CCDC141: variants seen among roughly 807,000 people sequenced by gnomAD.
CCDC141 encodes the protein coiled-coil domain-containing protein 141.
CCDC141 carries 168 observed loss-of-function variants against 181.0 expected under a neutral mutation model. The observed-to-expected ratio is 0.93, with a 90% CI of 0.82 to 1.05. The LOEUF (loss-of-function observed/expected upper bound fraction) is 1.05. CCDC141 is among the 50% of genes least tolerant of loss of function. CCDC141 has a pLI of 0.00. For missense variants in CCDC141, 1,902 were observed against 1,788.5 expected (o/e 1.06, Z -1.14); for synonymous variants, 666 against 642.3 (o/e 1.04, Z -0.56).
chr2:178,991,402 T>G (rs879801083), intron 2 of CCDC141, among the ~76,000 whole-genome samples: 3 of 152,052 alleles, frequency 2.0e-5, no homozygotes, highest in Non-Finnish European at 2.9e-5. Context: ...TGGTTAATTT[T>G]ATGTTATATG....
intron 2 of CCDC141, among the ~76,000 whole-genome samples, chr2:178,986,555 T>C (rs1451863099): frequency 6.6e-6 from 1 of 152,134 alleles, no homozygotes; most frequent in Admixed American, 6.5e-5. Context: ...CATGATTGTA[T>C]ATCTAGAAAA....
chr2:178,985,210 A>G (rs1363214651), intron 2 of CCDC141, among the ~76,000 whole-genome samples: 8 of 151,608 alleles, frequency 5.3e-5, no homozygotes, highest in African/African-American at 7.2e-5. Flanking sequence ...CTGCTCCTGA[A>G]TGACTACTGG....
chr2:178,861,349 T>G (rs958861327), intron 17 of CCDC141, among the ~76,000 whole-genome samples: 6 of 152,020 alleles, frequency 3.9e-5, no homozygotes, highest in Non-Finnish European at 5.9e-5. Flanking sequence ...AAAAATTTTT[T>G]GTAGGGCCGG....
At chr2:178,909,566 A>C (rs2154373474) in intron 7 of CCDC141, among the ~76,000 whole-genome samples, 1 of 152,338 alleles carries the variant, frequency 6.6e-6, no homozygotes, top group South Asian at 2.1e-4. Context: ...TGATTGTCTG[A>C]ATTATACACA....
At chr2:178,945,033 T>G (rs1689672519) in intron 5 of CCDC141, among the ~76,000 whole-genome samples, 1 of 152,184 alleles carries the variant, frequency 6.6e-6, no homozygotes, top group Non-Finnish European at 1.5e-5. Context: ...TAAACCCATA[T>G]GAAGATATTA....
At position 178,830,472 on chromosome 2, in the gene CCDC141, C is replaced by T. The variant is rs1196241633; in HGVS notation, c.*3701G>A. On this transcript the variant is annotated 3_prime_UTR_variant, in exon 24 of 24. Coordinates refer to ENST00000443758, the MANE Select transcript of CCDC141 (RefSeq NM_173648.4). The stretch of plus-strand genomic sequence containing the variant: ...ATCATCTTTGTCTTTTTACATTTCC[C>T]CTCTCCTCCCTCTAAAAAGGGGAGA... 1 of 152,136 alleles carries T rather than the reference C, an allele frequency of 6.6e-6. No homozygotes were observed. The highest frequency in any genetic ancestry group is 1.5e-5 in the Non-Finnish European group (1 of 68,040). The allele number at this position is 152,136 out of a possible 1,614,324, so 9.4% of individuals were successfully genotyped here. A position where few individuals can be genotyped will look rare whatever the true frequency, so the allele number is the denominator to read the frequency against.
intron 8 of CCDC141, among the ~76,000 whole-genome samples, chr2:178,896,040 A>C (rs574116183): frequency 6.6e-6 from 1 of 152,338 alleles, no homozygotes; most frequent in Admixed American, 6.5e-5. Flanking sequence ...AGGACATGAT[A>C]CTGTCACAAA....
intron 5 of CCDC141, among the ~76,000 whole-genome samples, chr2:178,954,100 T>C (rs1465986606): frequency 6.6e-6 from 1 of 152,260 alleles, no homozygotes; most frequent in African/African-American, 2.4e-5. Context: ...TCTGCCCTCA[T>C]GTCTTAATTC....
chr2:178,912,266 T>C (rs914787293), intron 7 of CCDC141, among the ~76,000 whole-genome samples: 4 of 152,158 alleles, frequency 2.6e-5, no homozygotes, highest in African/African-American at 9.7e-5. Flanking sequence ...TGCAACAATC[T>C]GATACTGCAC....
At chr2:178,947,202 T>C (rs185046257) in intron 5 of CCDC141, among the ~76,000 whole-genome samples, 1 of 152,336 alleles carries the variant, frequency 6.6e-6, no homozygotes, top group Admixed American at 6.5e-5. Context: ...GAGTAGCTAC[T>C]GCAGACAGCT....
chr2:179,042,658 T>C (rs888649408), intron 2 of CCDC141, among the ~76,000 whole-genome samples: 31 of 152,316 alleles, frequency 2.0e-4, no homozygotes, highest in Admixed American at 1.3e-3. Flanking sequence ...TAAGAAGTTC[T>C]TTGAAACTAA....
intron 17 of CCDC141, among the ~76,000 whole-genome samples, chr2:178,863,787 T>C (rs544168677): frequency 2.5e-4 from 38 of 152,270 alleles, no homozygotes; most frequent in African/African-American, 8.9e-4. Flanking sequence ...ACTGGATCAG[T>C]AGTGGAAGCA....
Position 178,978,555 on chromosome 2 carries a change from G to C in CCDC141, c.346C>G (p.Leu116Val). The C allele has an allele frequency of 6.5e-7, 1 of 1,549,308 alleles. No homozygotes were observed. Among genetic ancestry groups the C allele is most frequent in the African/African-American group, 1.4e-5 (1 of 73,034 alleles). Residue 116 changes from leucine to valine, a missense_variant, in exon 3 of 24, where the codon CTG (leucine) becomes GTG (valine). Physicochemically the swap from Leu to Val is conservative, Grantham distance 32. Transcript: ENST00000443758. ...GTTCTTCTTTCAAGCATGGACACCA[G>C]AGCTGCCCATGCTTCACCCAGAGTC... is the stretch of plus-strand genomic sequence containing the variant. ...AETLGEAWAA[L>V]VSMLERRTEL...
chr2:179,025,022 A>G (rs775159545), intron 2 of CCDC141, among the ~76,000 whole-genome samples: 1 of 152,026 alleles, frequency 6.6e-6, no homozygotes, highest in African/African-American at 2.4e-5. Flanking sequence ...TTCTGATGCC[A>G]GCCCAGTTGA....
At chr2:178,858,332 A>G (rs1006095890) in intron 17 of CCDC141, among the ~76,000 whole-genome samples, 3 of 152,174 alleles carry the variant, frequency 2.0e-5, no homozygotes, top group African/African-American at 7.2e-5. Flanking sequence ...TGGTTTTAAC[A>G]GGAAAGGATA....
chr2:178,928,519 G>A (rs1439476468), intron 6 of CCDC141, among the ~76,000 whole-genome samples: 1 of 152,016 alleles, frequency 6.6e-6, no homozygotes, highest in East Asian at 1.9e-4. Context: ...AAAAAGCCAT[G>A]CTTTCCGGGA....
At chr2:178,983,317 A>G (rs1264509362) in intron 2 of CCDC141, among the ~76,000 whole-genome samples, 2 of 152,176 alleles carry the variant, frequency 1.3e-5, no homozygotes, top group African/African-American at 2.4e-5. Context: ...CCATCTGTAC[A>G]TCACCATCAT....
chr2:178,965,320 C>G (rs1437702191), intron 4 of CCDC141, among the ~76,000 whole-genome samples: 2 of 152,170 alleles, frequency 1.3e-5, no homozygotes, highest in South Asian at 4.1e-4. Context: ...CAAAAAACAT[C>G]CACGATTGCT....
intron 2 of CCDC141, among the ~76,000 whole-genome samples, chr2:179,046,259 G>A (rs752861676): frequency 2.0e-5 from 3 of 152,374 alleles, no homozygotes; most frequent in East Asian, 1.9e-4. Flanking sequence ...CTCCCTCAGA[G>A]GTTCCTCAGA....
Sources: gnomAD v4.1 joint callset for allele counts (sites outside exome capture counted in the v4.1 genomes callset) on GRCh38, gnomAD v4.1.1 for gene constraint, MANE v1.5 for transcripts, NCBI Gene and HGNC (gene_info 2026-07-23, HGNC 2026-07-21) for gene names.